The following USP40 variants were observed in gnomAD, a reference collection of about 807,000 sequenced individuals.
USP40 encodes ubiquitin specific peptidase 40, also known as ubiquitin carboxyl-terminal hydrolase 40.
In USP40, 143 loss-of-function variants were observed where a neutral mutation model predicts 166.2. That is an observed-to-expected ratio of 0.86 (90% CI 0.75 to 0.99). USP40 has a LOEUF of 0.99. Among genes scored for constraint, USP40 ranks in the 50% least tolerant of loss-of-function variants. The pLI is 0.00. For missense variants in USP40, 1,444 were observed against 1,479.7 expected (o/e 0.98, Z 0.40); for synonymous variants, 498 against 524.0 (o/e 0.95, Z 0.68).
intron 26 of USP40, 73 bp from the exon 27 acceptor site, chr2:233,489,556 A>G: frequency 7.9e-7 from 1 of 1,258,578 alleles, no homozygotes; most frequent in Non-Finnish European, 1.1e-6. Context: ...TTAGAAAAAA[A>G]AAATGAAGCA....
rs2064896940 is a variant in USP40 at position 233,485,643 on chromosome 2, C to T, written c.3409-17G>A. The T allele has an allele frequency of 6.2e-7, 1 of 1,609,344 alleles. No individual in the cohort carries two copies. Among genetic ancestry groups the T allele is most frequent in the Non-Finnish European group, 8.5e-7 (1 of 1,177,606 alleles). On this transcript the variant is annotated splice_polypyrimidine_tract_variant and intron_variant, in intron 29 of 31. Transcript: ENST00000678225. ...TTGTTGGTTCTATGGGAAAATCAAA[C>T]ATCTTAAATAAGCAAAACTCAACCT...
At chr2:233,516,144 G>A (rs2067173931) in intron 18 of USP40, among the ~76,000 whole-genome samples, 1 of 152,056 alleles carries the variant, frequency 6.6e-6, no homozygotes, top group African/African-American at 2.4e-5. Flanking sequence ...CAGGTTGTAG[G>A]CCATAGTTTG....
chr2:233,476,008 G>A lies in USP40; in HGVS notation c.*1384C>T, dbSNP rs563929732. 7.2e-5 allele frequency: 11 copies of A among 152,520 alleles called. No homozygotes were observed. Among genetic ancestry groups the A allele is most frequent in the African/African-American group, 1.7e-4 (7 of 41,578 alleles). The allele number at this position is 152,520 out of a possible 1,614,324, so 9.4% of individuals were successfully genotyped here. A position where few individuals can be genotyped will look rare whatever the true frequency, so the allele number is the denominator to read the frequency against. ...GGGAGGCAGCTGCTAGTCAGAGTTG[G>A]GTCCTTAGGGCGCAGTGCTTCACGG... On this transcript the variant is annotated 3_prime_UTR_variant, in exon 32 of 32. Transcript: ENST00000678225.
chr2:233,489,543 G>A, intron 26 of USP40, 60 bp from the exon 27 acceptor site: 2 of 1,352,484 alleles, frequency 1.5e-6, no homozygotes, highest in Admixed American at 2.6e-5. Flanking sequence ...AAAACATACT[G>A]TTTTAGAAAA....
chr2:233,513,640 A>C (rs988682647), intron 18 of USP40, among the ~76,000 whole-genome samples: 3 of 152,182 alleles, frequency 2.0e-5, no homozygotes, highest in African/African-American at 7.2e-5. Flanking sequence ...GGTAGTAATG[A>C]AATTCGTGCA....
chr2:233,505,842 A>C (rs771050382), intron 21 of USP40, among the ~76,000 whole-genome samples: 2 of 152,128 alleles, frequency 1.3e-5, no homozygotes, highest in African/African-American at 2.4e-5. Flanking sequence ...TGATTCCAAG[A>C]CCAGATGTAG....
intron 11 of USP40, among the ~76,000 whole-genome samples, chr2:233,531,266 A>G (rs2068503229): frequency 6.6e-6 from 1 of 152,200 alleles, no homozygotes; most frequent in Non-Finnish European, 1.5e-5. Context: ...TCATTGCTAT[A>G]ACTTTATAAA....
At chr2:233,481,394 G>T (rs2064581067) in intron 30 of USP40, 97 bp from the exon 31 acceptor site, 3 of 1,043,546 alleles carry the variant, frequency 2.9e-6, no homozygotes, top group Non-Finnish European at 2.8e-6. Context: ...ATTGACAAAA[G>T]AACAGATTCA....
chr2:233,526,504 G>C (rs1037265953), intron 13 of USP40, among the ~76,000 whole-genome samples: 2 of 151,852 alleles, frequency 1.3e-5, no homozygotes, highest in African/African-American at 2.4e-5. Flanking sequence ...AATCAACTAA[G>C]GTTAAAAGGG....
rs993849740 is a variant in USP40, at chr2:233,489,461, A to C, written c.3035T>G (p.Leu1012Arg). 3.1e-6 allele frequency: 5 copies of C among 1,606,354 alleles called. No homozygotes were observed. In the Admixed American group the frequency reaches 6.8e-5, roughly 22 times the overall value. The change falls in exon 27 of 32, where the codon CTG becomes CGG. Residue 1012 changes from leucine (L) to arginine (R), a missense_variant. Coordinates refer to ENST00000678225, the MANE Select transcript of USP40 (RefSeq NM_001365479.2). ...GGCTGGGGACGGGACACCGAACTCC[A>C]GGAAAGGAGGCAAGGTCATGGCCTA... ...KSQAMTLPPF[L>R]EFGVPSPAHL...
At chr2:233,508,976 C>T (rs1012957733) in intron 21 of USP40, among the ~76,000 whole-genome samples, 6 of 152,132 alleles carry the variant, frequency 3.9e-5, no homozygotes, top group Admixed American at 3.3e-4. Context: ...TCTTGGATAG[C>T]GGCTTCACTG....
At chr2:233,566,345 A>C (rs1466192295) in intron 1 of USP40, among the ~76,000 whole-genome samples, 1 of 152,186 alleles carries the variant, frequency 6.6e-6, no homozygotes, top group Non-Finnish European at 1.5e-5. Flanking sequence ...TAGCATAGGT[A>C]CCAAATGACA....
chr2:233,556,115 CAAAA>C (rs774757577), intron 5 of USP40, among the ~76,000 whole-genome samples: 2 of 92,630 alleles, frequency 2.2e-5, no homozygotes, highest in Admixed American at 1.2e-4. Context: ...GACTCCATCT[CAAAA>C]AAAAAAAAAA....
chr2:233,533,926 T>A, intron 10 of USP40, 147 bp from the exon 11 acceptor site: 2 of 827,258 alleles, frequency 2.4e-6, no homozygotes, highest in Non-Finnish European at 3.6e-6. Context: ...AAAATCCATC[T>A]AGGTATCATA....
At chr2:233,499,723 A>G (rs2065952685) in intron 22 of USP40, among the ~76,000 whole-genome samples, 156 bp downstream of exon 22, 1 of 152,214 alleles carries the variant, frequency 6.6e-6, no homozygotes, top group African/African-American at 2.4e-5. Context: ...GCCAACAAGA[A>G]CCAGGAGAAT....
rs1381323118 is a variant in USP40 at position 233,565,386 on chromosome 2, G to A, written c.169C>T (p.Gln57Ter). The change falls in exon 2 of 32, where the codon CAG becomes TAG. Residue 57 changes from glutamine (Q) to a stop codon, truncating the protein, a stop_gained. Transcript: ENST00000678225. LOFTEE classifies it high-confidence loss of function. ...AATTCAGGTGTGAAATGAAGAGTCT[G>A]AAGAAGGGAATTGAGGTAACAGGTT... ...GGTCYLNSLLQTLHFTPEFRE... is the reference protein window; with the variant it reads ...GGTCYLNSLL The A allele has an allele frequency of 6.5e-7, 1 of 1,537,266 alleles. No homozygotes were observed. The highest frequency in any genetic ancestry group is 8.7e-7 in the Non-Finnish European group (1 of 1,146,836).
chr2:233,491,932 C>T (rs2125071263), intron 25 of USP40, among the ~76,000 whole-genome samples: 1 of 152,284 alleles, frequency 6.6e-6, no homozygotes, highest in Non-Finnish European at 1.5e-5. Context: ...GAGCATGCCA[C>T]TAATGCATAG....
At chr2:233,556,095 G>A (rs1341041505) in intron 5 of USP40, among the ~76,000 whole-genome samples, 4 of 145,234 alleles carry the variant, frequency 2.8e-5, no homozygotes, top group African/African-American at 5.1e-5. Context: ...CAGCCTGGGC[G>A]ACAAAGCAAG....
Position 233,536,606 on chromosome 2 carries a change from G to A in USP40, c.1171-2827C>T, listed in dbSNP as rs150239174. Among the ~76,000 whole-genome samples the A allele has an allele frequency of 5.5e-3, 838 of 152,238 alleles. 3 individuals are homozygous for A. The highest frequency in any genetic ancestry group is 8.3e-3 in the Non-Finnish European group (561 of 67,996). The stretch of plus-strand genomic sequence containing the variant: ...GCAGAGATTGCAGTGAGCTGAGATT[G>A]TGCCACTTCACTTCAGCCTGGGCAA... On this transcript the variant is annotated intron_variant, in intron 10 of 31. Transcript: ENST00000678225.
Sources: allele counts gnomAD v4.1 joint callset (sites outside exome capture counted in the v4.1 genomes callset), GRCh38; gene constraint gnomAD v4.1.1; transcripts MANE v1.5; gene names NCBI Gene and HGNC (gene_info 2026-07-23, HGNC 2026-07-21).